Variants in OARD1 observed in about 807,000 individuals in gnomAD.
OARD1 encodes the protein ADP-ribose glycohydrolase OARD1.
A neutral mutation model predicts 19.7 loss-of-function variants in OARD1; 19 were observed. The observed-to-expected ratio is 0.96, with a 90% confidence interval of 0.67 to 1.41. OARD1 has a LOEUF of 1.41. Among genes scored for constraint, OARD1 ranks in the 40% most tolerant of loss-of-function variants. The probability of loss-of-function intolerance (pLI) is 0.00; values close to 1 mark genes in which losing one functional copy is unlikely to be tolerated. For synonymous variants in OARD1, 70 were observed against 61.8 expected (o/e 1.13, Z -0.62); for missense variants, 190 against 183.8 (o/e 1.03, Z -0.20).
intron 1 of OARD1, among the ~76,000 whole-genome samples, chr6:41,084,868 A>G (rs1764001223): frequency 1.3e-5 from 2 of 152,252 alleles, no homozygotes; most frequent in Non-Finnish European, 2.9e-5. Flanking sequence ...GGGTTGAGGC[A>G]TAAGATATCT....
chr6:41,096,836 T>TA (rs1313518565), intron 1 of OARD1, among the ~76,000 whole-genome samples: 1 of 152,242 alleles, frequency 6.6e-6, no homozygotes, highest in Non-Finnish European at 1.5e-5. Context: ...GCTGGACTCC[T>TA]AACTTTCTGA....
rs1561843144 is a variant in OARD1, at chr6:41,070,090, ATC to A, written c.227_228del (p.Arg76LeufsTer18). Reference sequence around the variant, plus strand: ...CCCCATCTTACCAAGTAATATATATATCGCCCATCTCTCTTCAGAACAGCCAC... The same window carrying A: ...CCCCATCTTACCAAGTAATATATATAGCCCATCTCTCTTCAGAACAGCCAC... The part of the protein sequence containing the change: ...GEVAVLKRDG[R>X]YIYYLITKKR... On this transcript the variant is annotated frameshift_variant, in exon 4 of 6. Transcript: ENST00000424266. LOFTEE classifies it high-confidence loss of function. 1 of 1,590,140 alleles carries A rather than the reference ATC, an allele frequency of 6.3e-7. No individual in the cohort carries two copies. The highest frequency in any genetic ancestry group is 8.6e-7 in the Non-Finnish European group (1 of 1,158,438).
chr6:41,073,794 C>T (rs1012924451), upstream of OARD1, among the ~76,000 whole-genome samples: 4 of 152,288 alleles, frequency 2.6e-5, no homozygotes, highest in Admixed American at 6.5e-5. Context: ...CGCCCCTCCT[C>T]CCAGCCCGCT....
intron 1 of OARD1, among the ~76,000 whole-genome samples, chr6:41,086,473 C>G (rs1418930140): frequency 6.6e-6 from 1 of 152,112 alleles, no homozygotes; most frequent in Non-Finnish European, 1.5e-5. Context: ...AGGTGAGATT[C>G]CATAGCCTCC....
At chr6:41,069,683 C>A (rs1763220583) in intron 4 of OARD1, 1 of 249,866 alleles carries the variant, frequency 4.0e-6, no homozygotes, top group South Asian at 4.5e-5. Flanking sequence ...CACCCCCTTG[C>A]TATCAGTGTG....
At chr6:41,094,530 T>G in intron 1 of OARD1, 9 of 1,537,684 alleles carry the variant, frequency 5.9e-6, no homozygotes, top group Non-Finnish European at 7.2e-6. Flanking sequence ...TTCTTCTCTT[T>G]ATTACCTTGT....
rs1429930490 is a variant in OARD1 at position 41,072,236 on chromosome 6, C to T, written c.-42G>A. On this transcript the variant is annotated splice_region_variant and 5_prime_UTR_variant, in exon 1 of 6. Transcript: ENST00000424266. ...AAGCCTCCCATTCTCTGTCTCCTACCCTAGGGCGGGTCAGCGAGGACGCAG... is the reference window on the plus strand; with the variant it reads ...AAGCCTCCCATTCTCTGTCTCCTACTCTAGGGCGGGTCAGCGAGGACGCAG... 1 of 152,998 alleles carries T rather than the reference C, an allele frequency of 6.5e-6. No individual in the cohort carries two copies. Among genetic ancestry groups the T allele is most frequent in the East Asian group, 1.9e-4 (1 of 5,190 alleles). 9.5% of individuals were successfully genotyped at this position (152,998 alleles called of 1,614,324 possible).
chr6:41,097,279 G>T, intron 1 of OARD1: 1 of 1,306,574 alleles, frequency 7.7e-7, no homozygotes, highest in Non-Finnish European at 1.1e-6. Flanking sequence ...TATTCTCTTG[G>T]GGGGATAAGT....
chr6:41,078,236 T>C (rs1293871273), intron 1 of OARD1, among the ~76,000 whole-genome samples: 1 of 152,234 alleles, frequency 6.6e-6, no homozygotes, highest in Non-Finnish European at 1.5e-5. Flanking sequence ...TTTTGGTTTC[T>C]TCTTTCACAC....
intron 4 of OARD1, chr6:41,069,489 T>C (rs1218042070): frequency 6.3e-6 from 1 of 158,618 alleles, no homozygotes; most frequent in African/African-American, 2.4e-5. Flanking sequence ...CCCACTCAGT[T>C]TGTCATCCAG....
intron 4 of OARD1, 154 bp downstream of exon 4, chr6:41,069,922 G>T: frequency 1.4e-6 from 1 of 711,334 alleles, no homozygotes. Flanking sequence ...CACTGGACTG[G>T]AGTTGTCATA....
rs531618567 is a variant in OARD1 at position 41,094,284 on chromosome 6, T to C, written c.-42+3429A>G. The stretch of plus-strand genomic sequence containing the variant: ...GTCATTCTAAGTCATAATTGTCCCT[T>C]GTGACTTTGATCCCAGCTGTCTTAA... On this transcript the variant is annotated intron_variant, in intron 1 of 4. Transcript: ENST00000480585. 3.6e-6 allele frequency: 3 copies of C among 834,430 alleles called. No homozygotes were observed. The African/African-American group carries it at 5.1e-5, about 14-fold the overall frequency. The allele number at this position is 834,430 out of a possible 1,614,324, so 51.7% of individuals were successfully genotyped here.
chr6:41,077,332 T>C (rs368492402), upstream of OARD1, among the ~76,000 whole-genome samples: 1 of 152,266 alleles, frequency 6.6e-6, no homozygotes, highest in South Asian at 2.1e-4. Flanking sequence ...AATGAAGATA[T>C]AAAACATTTT....
intron 1 of OARD1, among the ~76,000 whole-genome samples, chr6:41,089,078 G>A (rs890235613): frequency 5.3e-5 from 8 of 151,980 alleles, no homozygotes; most frequent in African/African-American, 1.2e-4. Flanking sequence ...CTCCGCCTCC[G>A]GTTCAAGTGA....
intron 3 of OARD1, among the ~76,000 whole-genome samples, chr6:41,070,388 T>G (rs1437382927): frequency 1.3e-5 from 2 of 152,254 alleles, no homozygotes; most frequent in African/African-American, 4.8e-5. Context: ...CCACTACTAC[T>G]TTTAAATATA....
At chr6:41,087,964 A>G (rs1764091272) in intron 1 of OARD1, among the ~76,000 whole-genome samples, 1 of 152,228 alleles carries the variant, frequency 6.6e-6, no homozygotes, top group Non-Finnish European at 1.5e-5. Flanking sequence ...CAATCCTAGG[A>G]CCAAATAGGA....
At chr6:41,073,995 C>G (rs771538717), upstream of OARD1, among the ~76,000 whole-genome samples, 3 of 151,518 alleles carry the variant, frequency 2.0e-5, no homozygotes, top group Non-Finnish European at 4.4e-5. Flanking sequence ...AAGATTGATA[C>G]CCTTGCGCAT....
chr6:41,071,099 G>C, intron 3 of OARD1, 33 bp downstream of exon 3: 3 of 1,608,226 alleles, frequency 1.9e-6, no homozygotes, highest in East Asian at 4.5e-5. Flanking sequence ...GCTCTAGCCA[G>C]GGCAAACCAG....
intron 1 of OARD1, among the ~76,000 whole-genome samples, chr6:41,093,340 G>A (rs371495716): frequency 5.3e-5 from 8 of 152,284 alleles, no homozygotes; most frequent in East Asian, 3.9e-4. Flanking sequence ...AATTATCCTG[G>A]ACTGGTAGCA....
Sources: gnomAD v4.1 joint callset for allele counts (sites outside exome capture counted in the v4.1 genomes callset) on GRCh38, gnomAD v4.1.1 for gene constraint, MANE v1.5 for transcripts, NCBI Gene and HGNC (gene_info 2026-07-23, HGNC 2026-07-21) for gene names.